Variants in MALRD1 observed in about 807,000 individuals in gnomAD.
MALRD1 encodes MAM and LDL-receptor class A domain-containing protein 1.
Under a neutral mutation model 242.1 loss-of-function variants are expected in MALRD1, and 247 were observed. The observed-to-expected ratio is 1.02, with a 90% CI of 0.92 to 1.13. MALRD1 has a LOEUF of 1.13. MALRD1 is among the 50% of genes most tolerant of loss of function. The pLI is 0.00. For synonymous variants in MALRD1, 995 were observed against 866.6 expected, an observed-to-expected ratio of 1.15 and a Z score of -2.60; for missense variants, 2,989 against 2,533.1, an observed-to-expected ratio of 1.18 and a Z score of -3.86.
chr10:19,702,091 G>T (rs761045556), intron 38 of MALRD1, among the ~76,000 whole-genome samples: 1 of 151,918 alleles, frequency 6.6e-6, no homozygotes, highest in Non-Finnish European at 1.5e-5. Flanking sequence ...TCAGAATTTC[G>T]TGCTATTATA....
At chr10:19,349,615 G>T (rs1224922933) in intron 25 of MALRD1, among the ~76,000 whole-genome samples, 1 of 152,074 alleles carries the variant, frequency 6.6e-6, no homozygotes, top group Non-Finnish European at 1.5e-5. Context: ...ATCTGTTTTT[G>T]CTGTCTTCCA....
intron 38 of MALRD1, among the ~76,000 whole-genome samples, chr10:19,705,804 T>TGAAAAAAAAAAAAAAAAAAAAAAAAAAAA (rs71388859): frequency 2.9e-5 from 3 of 102,904 alleles, no homozygotes; most frequent in Non-Finnish European, 5.3e-5. Flanking sequence ...CCTGCAATAG[T>TGAAAAAAAAAAAAAAAAAAAAAAAAAAAA]AAAAAAAAAA....
rs1837391600 is a variant in MALRD1, at chr10:19,586,181, A to G, written c.5681-9013A>G. ...TTGCCTTTGGTGTGAATGTCCTCCC[A>G]TAGCTCGGAATAATTTGATCGTCTG... On this transcript the variant is annotated intron_variant, in intron 33 of 39. Coordinates refer to ENST00000454679, the MANE Select transcript of MALRD1 (RefSeq NM_001142308.3). 3.9e-5 allele frequency among the ~76,000 whole-genome samples: 6 copies of G among 152,144 alleles called. No individual in the cohort carries two copies. The South Asian group carries it at 1.2e-3, about 32-fold the overall frequency.
intron 24 of MALRD1, among the ~76,000 whole-genome samples, chr10:19,334,847 C>T (rs191891693): frequency 6.6e-6 from 1 of 152,102 alleles, no homozygotes; most frequent in Admixed American, 6.6e-5. Context: ...ACATATAATG[C>T]TTTTGAATTT....
At chr10:19,167,650 G>A (rs1029976693) in intron 13 of MALRD1, among the ~76,000 whole-genome samples, 3 of 152,162 alleles carry the variant, frequency 2.0e-5, no homozygotes, top group African/African-American at 7.2e-5. Context: ...TCATACTCTA[G>A]GCGAAGTCTC....
chr10:19,197,734 A>AT (rs1836327144), intron 14 of MALRD1, among the ~76,000 whole-genome samples: 1 of 152,142 alleles, frequency 6.6e-6, no homozygotes, highest in Non-Finnish European at 1.5e-5. Flanking sequence ...CATTTTCAAT[A>AT]TTCTTCCTTA....
Position 19,155,270 on chromosome 10 carries a change from A to G in MALRD1, c.1656+98A>G, listed in dbSNP as rs75391614. Reference sequence around the variant, plus strand: ...TAATTGCCCGCCATGTTTTACTAGCACTTTAATGATGAATTAAGAGATTTA... The same window carrying G: ...TAATTGCCCGCCATGTTTTACTAGCGCTTTAATGATGAATTAAGAGATTTA... On this transcript the variant is annotated intron_variant, in intron 12 of 39. Transcript: ENST00000454679. The G allele has an allele frequency of 1.7e-3, 889 of 524,070 alleles. 10 individuals carry two copies. The highest frequency in any genetic ancestry group is 0.016 in the African/African-American group (811 of 50,964). The allele number at this position is 524,070 out of a possible 1,614,324, so 32.5% of individuals were successfully genotyped here.
intron 34 of MALRD1, among the ~76,000 whole-genome samples, chr10:19,602,860 G>A (rs1215852166): frequency 6.6e-6 from 1 of 152,084 alleles, no homozygotes; most frequent in African/African-American, 2.4e-5. Context: ...AGCACCTGTT[G>A]TTTCCTGACT....
In MALRD1 at chr10:19,268,651, C is replaced by G. The variant is rs554986106; in HGVS notation, c.3079+10880C>G. On this transcript the variant is annotated intron_variant, in intron 19 of 39. Coordinates refer to ENST00000454679, the MANE Select transcript of MALRD1 (RefSeq NM_001142308.3). ...ATTCATATTAGTCAAGAAATTCATTCAGTAATCATATGTCTAAAGTTGGTA... is the reference window on the plus strand; with the variant it reads ...ATTCATATTAGTCAAGAAATTCATTGAGTAATCATATGTCTAAAGTTGGTA... Among the ~76,000 whole-genome samples, 4 of 152,164 alleles carry G rather than the reference C, an allele frequency of 2.6e-5. No homozygotes were observed. In the South Asian group the frequency reaches 8.3e-4, roughly 32 times the overall value.
intron 19 of MALRD1, among the ~76,000 whole-genome samples, chr10:19,265,913 T>C (rs1839955506): frequency 6.6e-6 from 1 of 151,924 alleles, no homozygotes; most frequent in African/African-American, 2.4e-5. Flanking sequence ...TGAGTACATA[T>C]ATATTTATAA....
intron 10 of MALRD1, among the ~76,000 whole-genome samples, chr10:19,140,452 C>G (rs1482623297): frequency 6.6e-6 from 1 of 152,056 alleles, no homozygotes; most frequent in Non-Finnish European, 1.5e-5. Context: ...TCTGCACCCT[C>G]ATGTTCACTG....
At chr10:19,615,710 A>G in intron 35 of MALRD1, 147 bp from the exon 36 acceptor site, 1 of 614,488 alleles carries the variant, frequency 1.6e-6, no homozygotes, top group Non-Finnish European at 2.7e-6. Context: ...ACAGGAAAGT[A>G]GCCTATGGGA....
At chr10:19,721,284 T>G (rs990132372) in intron 38 of MALRD1, among the ~76,000 whole-genome samples, 1 of 152,138 alleles carries the variant, frequency 6.6e-6, no homozygotes, top group Non-Finnish European at 1.5e-5. Flanking sequence ...ATTCCGTAAA[T>G]CTTAAGACTG....
intron 14 of MALRD1, among the ~76,000 whole-genome samples, chr10:19,188,780 C>T (rs1206297218): frequency 6.6e-6 from 1 of 152,062 alleles, no homozygotes; most frequent in Non-Finnish European, 1.5e-5. Context: ...GAAATGGAAG[C>T]AGAAAGAGCA....
At chr10:19,311,963 T>G (rs894283044) in intron 21 of MALRD1, among the ~76,000 whole-genome samples, 2 of 151,522 alleles carry the variant, frequency 1.3e-5, no homozygotes, top group Non-Finnish European at 3.0e-5. Flanking sequence ...TCCAGCATTA[T>G]CTGCATCTTT....
intron 38 of MALRD1, among the ~76,000 whole-genome samples, chr10:19,695,515 CTT>C (rs1354036029): frequency 9.4e-6 from 1 of 106,302 alleles, no homozygotes; most frequent in Non-Finnish European, 1.7e-5. Context: ...GCATGTTTTT[CTT>C]TCTTTTTTTT....
chr10:19,094,876 C>T (rs181067665), intron 4 of MALRD1, among the ~76,000 whole-genome samples: 22 of 152,184 alleles, frequency 1.4e-4, no homozygotes, highest in Non-Finnish European at 2.5e-4. Context: ...TATGCATGGT[C>T]GAAATGATAA....
At position 19,734,377 on chromosome 10, in the gene MALRD1, G is replaced by A. The variant is rs1425627224; in HGVS notation, c.*140G>A. On this transcript the variant is annotated 3_prime_UTR_variant, in exon 40 of 40. Coordinates refer to ENST00000454679, the MANE Select transcript of MALRD1 (RefSeq NM_001142308.3). Reference sequence around the variant, plus strand: ...CAGTGTAATTATAACATTTATGAATGAATTTTCTTGCAGAATATAGAGAAT... The same window carrying A: ...CAGTGTAATTATAACATTTATGAATAAATTTTCTTGCAGAATATAGAGAAT... The A allele has an allele frequency of 3.1e-6, 2 of 646,960 alleles. No individual in the cohort carries two copies. Among genetic ancestry groups the A allele is most frequent in the Non-Finnish European group, 2.5e-6 (1 of 400,928 alleles). 40.1% of individuals were successfully genotyped at this position (646,960 alleles called of 1,614,324 possible).
intron 38 of MALRD1, among the ~76,000 whole-genome samples, chr10:19,728,722 C>G (rs1835154610): frequency 6.6e-6 from 1 of 152,094 alleles, no homozygotes; most frequent in African/African-American, 2.4e-5. Flanking sequence ...TTGATCATCC[C>G]TACTTCCATG....
Sources: gnomAD v4.1 joint callset for allele counts (sites outside exome capture counted in the v4.1 genomes callset) on GRCh38, gnomAD v4.1.1 for gene constraint, MANE v1.5 for transcripts, NCBI Gene and HGNC (gene_info 2026-07-23, HGNC 2026-07-21) for gene names.